The following DLC1 variants were observed in gnomAD, a reference collection of about 807,000 sequenced individuals.
DLC1 encodes the protein DLC1 Rho GTPase activating protein.
DLC1 carries 54 observed loss-of-function variants against 140.3 expected under a neutral mutation model. That is an observed-to-expected ratio of 0.38 (90% CI 0.31 to 0.48). The LOEUF is 0.48. Among genes scored for constraint, DLC1 ranks in the 20% least tolerant of loss-of-function variants. DLC1 has a pLI of 0.96. For synonymous variants in DLC1, 986 were observed against 728.1 expected, an observed-to-expected ratio of 1.35 and a Z score of -5.70; for missense variants, 2,536 against 1,907.0, an observed-to-expected ratio of 1.33 and a Z score of -6.14.
intron 5 of DLC1, among the ~76,000 whole-genome samples, chr8:13,183,785 G>T (rs1826180022): frequency 6.6e-6 from 1 of 151,930 alleles, no homozygotes. Flanking sequence ...CTCTTTTTTT[G>T]TTGTGTCTCT....
At position 13,100,266 on chromosome 8, in the gene DLC1, C is replaced by A; in HGVS notation, c.2071G>T (p.Gly691Trp). The change falls in exon 9 of 18, where the codon GGG becomes TGG. Residue 691 changes from glycine (G) to tryptophan (W), a missense_variant. Gly to Trp is a radical substitution (Grantham distance 184). Coordinates refer to ENST00000276297, the MANE Select transcript of DLC1 (RefSeq NM_182643.3). ...HSKHKAPSKL[G>W]LIISGPILQE... ...AAGATGGGCCCGCTGATGATCAACC[C>A]CAGCTTTGAGGGCGCTTTGTGCTTG... 1 of 1,614,154 alleles carries A rather than the reference C, an allele frequency of 6.2e-7. No individual in the cohort carries two copies. Among genetic ancestry groups the A allele is most frequent in the Non-Finnish European group, 8.5e-7 (1 of 1,180,044 alleles).
In DLC1 at chr8:13,529,688, G is replaced by A. The variant is rs376968700; in HGVS notation, c.-125-29492C>T. Among the ~76,000 whole-genome samples, 21 of 152,246 alleles carry A rather than the reference G, an allele frequency of 1.4e-4. No homozygotes were observed. In the East Asian group the frequency reaches 4.1e-3, roughly 29 times the overall value. ...AGAGAGAGCCTCCGAATGGAAGAAA[G>A]CAAATAGATAAGAAAAAAGGGAGCA... On this transcript the variant is annotated intron_variant, in intron 1 of 1. Transcript: ENST00000631382.
At chr8:13,223,336 G>A (rs912899524) in intron 5 of DLC1, among the ~76,000 whole-genome samples, 2 of 152,056 alleles carry the variant, frequency 1.3e-5, no homozygotes, top group Admixed American at 6.5e-5. Context: ...CAGCCTCTTC[G>A]CACGTAATCT....
intron 5 of DLC1, chr8:13,214,782 G>T: frequency 1.3e-6 from 1 of 780,374 alleles, no homozygotes; most frequent in African/African-American, 1.7e-5. Context: ...CCGCTGCTGG[G>T]TTCCAGGGGA....
At chr8:13,107,736 T>C (rs1819685162) in intron 7 of DLC1, among the ~76,000 whole-genome samples, 3 of 152,252 alleles carry the variant, frequency 2.0e-5, no homozygotes. Context: ...AGCTGACAGC[T>C]CAGAACTTGT....
At chr8:13,441,166 T>C (rs1798491587) in intron 2 of DLC1, among the ~76,000 whole-genome samples, 1 of 152,296 alleles carries the variant, frequency 6.6e-6, no homozygotes, top group South Asian at 2.1e-4. Flanking sequence ...CAACCCTTCA[T>C]GCTAAAAACT....
intron 5 of DLC1, among the ~76,000 whole-genome samples, chr8:13,146,233 C>G (rs966005426): frequency 2.0e-5 from 3 of 151,300 alleles, no homozygotes; most frequent in Non-Finnish European, 4.4e-5. Flanking sequence ...CTAGACTGTG[C>G]CACTGCACTG....
Position 13,372,813 on chromosome 8 carries a change from G to T in DLC1, c.1314+20740C>A, listed in dbSNP as rs535275306. Among the ~76,000 whole-genome samples the T allele has an allele frequency of 1.4e-4, 21 of 152,156 alleles. No individual in the cohort carries two copies. In the South Asian group the frequency reaches 3.9e-3, roughly 29 times the overall value. ...GCCTATATGGTAAGTTATTTAGAATGCAGGGAAACAAATTTTCCAGAAATA... is the reference window on the plus strand; with the variant it reads ...GCCTATATGGTAAGTTATTTAGAATTCAGGGAAACAAATTTTCCAGAAATA... On this transcript the variant is annotated intron_variant, in intron 4 of 17. Transcript: ENST00000276297.
intron 6 of DLC1, among the ~76,000 whole-genome samples, chr8:13,112,334 T>G (rs934240788): frequency 2.2e-4 from 33 of 152,188 alleles, no homozygotes; most frequent in Non-Finnish European, 2.5e-4. Context: ...TTTTATGGAA[T>G]GATATGGAAT....
rs761218123 is a variant in DLC1, at chr8:13,110,727, A to C, written c.1502+15T>G. On this transcript the variant is annotated intron_variant, in intron 7 of 17. Transcript: ENST00000276297. ...AAAAATAAAAAAGGAAAACACTCAA[A>C]ACGTGTCCATTTACCTGCATAGAGC... 9.3e-6 allele frequency: 15 copies of C among 1,610,558 alleles called. No individual in the cohort carries two copies. In the East Asian group the frequency reaches 3.1e-4, roughly 33 times the overall value.
At chr8:13,156,335 T>C (rs1211855702) in intron 5 of DLC1, among the ~76,000 whole-genome samples, 1 of 151,234 alleles carries the variant, frequency 6.6e-6, no homozygotes, top group Non-Finnish European at 1.5e-5. Flanking sequence ...TACATAGTTT[T>C]GTTTTGTTCT....
At chr8:13,512,056 G>A (rs916981849) in intron 1 of DLC1, among the ~76,000 whole-genome samples, 2 of 152,050 alleles carry the variant, frequency 1.3e-5, no homozygotes, top group Admixed American at 6.6e-5. Flanking sequence ...AGAAAATGAA[G>A]TGATGTGCTA....
intron 4 of DLC1, among the ~76,000 whole-genome samples, chr8:13,347,434 G>C (rs1380159943): frequency 2.0e-5 from 3 of 152,152 alleles, no homozygotes; most frequent in Non-Finnish European, 4.4e-5. Context: ...CAGCAGGGCT[G>C]GACACTCCTT....
chr8:13,170,779 T>C (rs186338919), intron 5 of DLC1, among the ~76,000 whole-genome samples: 5 of 143,998 alleles, frequency 3.5e-5, no homozygotes, highest in Admixed American at 3.5e-4. Flanking sequence ...TTGCAGAAAA[T>C]GTGAGCTAAC....
At chr8:13,422,366 G>T (rs1229070241) in intron 2 of DLC1, among the ~76,000 whole-genome samples, 1 of 151,310 alleles carries the variant, frequency 6.6e-6, no homozygotes, top group Non-Finnish European at 1.5e-5. Context: ...AGTAGTAAAA[G>T]TAGTATTTCA....
chr8:13,447,088 G>A (rs1009733927), intron 2 of DLC1, among the ~76,000 whole-genome samples: 2 of 152,154 alleles, frequency 1.3e-5, no homozygotes, highest in Admixed American at 1.3e-4. Flanking sequence ...TTCCCTGTGT[G>A]TAGAGCTCTA....
At chr8:13,272,937 TA>T (rs1402200574) in intron 5 of DLC1, among the ~76,000 whole-genome samples, 2 of 152,240 alleles carry the variant, frequency 1.3e-5, no homozygotes, top group Admixed American at 6.5e-5. Flanking sequence ...CTCCATATTT[TA>T]AAGGCATTAT....
At chr8:13,461,534 G>A (rs188729181) in intron 2 of DLC1, among the ~76,000 whole-genome samples, 25 of 152,214 alleles carry the variant, frequency 1.6e-4, no homozygotes, top group Non-Finnish European at 2.8e-4. Context: ...TTTTTGTTGA[G>A]TTTATCTTCT....
chr8:13,337,911 G>T (rs1254813874), intron 4 of DLC1, among the ~76,000 whole-genome samples: 1 of 152,006 alleles, frequency 6.6e-6, no homozygotes, highest in Non-Finnish European at 1.5e-5. Context: ...TCCCCATATA[G>T]GAATTGTATA....
Sources: gnomAD v4.1 joint callset for allele counts (sites outside exome capture counted in the v4.1 genomes callset) on GRCh38, gnomAD v4.1.1 for gene constraint, MANE v1.5 for transcripts, NCBI Gene and HGNC (gene_info 2026-07-23, HGNC 2026-07-21) for gene names.